The following SLC8A1 variants were observed in gnomAD, a reference collection of about 807,000 sequenced individuals.
SLC8A1 encodes the protein solute carrier family 8 member A1.
Under a neutral mutation model 68.3 loss-of-function variants are expected in SLC8A1, and 18 were observed. That is an observed-to-expected ratio of 0.26 (90% CI 0.18 to 0.39). The LOEUF is 0.39. Among genes scored for constraint, SLC8A1 ranks in the 10% least tolerant of loss-of-function variants. The probability of loss-of-function intolerance (pLI) is 1.00; values close to 1 mark genes in which losing one functional copy is unlikely to be tolerated. For missense variants in SLC8A1, 985 were observed against 1,156.7 expected (o/e 0.85, Z 2.15); for synonymous variants, 475 against 415.5 (o/e 1.14, Z -1.74).
At chr2:40,427,785 C>T (rs367903320) in intron 2 of SLC8A1, among the ~76,000 whole-genome samples, 36 of 152,278 alleles carry the variant, frequency 2.4e-4, no homozygotes, top group East Asian at 1.7e-3. Context: ...CTCTCCATCA[C>T]TGTATCAGTG....
At chr2:40,232,316 G>C (rs2059755712) in intron 2 of SLC8A1, among the ~76,000 whole-genome samples, 2 of 152,002 alleles carry the variant, frequency 1.3e-5, no homozygotes, top group African/African-American at 4.8e-5. Flanking sequence ...TCATCTTTTG[G>C]TTGGCACATA....
chr2:40,461,561 A>C (rs33992047), intron 1 of SLC8A1, among the ~76,000 whole-genome samples: 75,664 of 151,982 alleles, frequency 0.5, 19,601 homozygotes, highest in Middle Eastern at 0.57. Context: ...CAGACATTTA[A>C]ATTTACTGTG....
intron 2 of SLC8A1, among the ~76,000 whole-genome samples, chr2:40,328,602 T>C (rs1371932379): frequency 6.6e-6 from 1 of 152,214 alleles, no homozygotes; most frequent in Non-Finnish European, 1.5e-5. Flanking sequence ...CATTTTCCAC[T>C]GCCTCTTACA....
chr2:40,228,332 T>A (rs767831221), intron 2 of SLC8A1, among the ~76,000 whole-genome samples: 1 of 152,234 alleles, frequency 6.6e-6, no homozygotes, highest in African/African-American at 2.4e-5. Flanking sequence ...AGAATTCTTA[T>A]ACTTAAAGCA....
chr2:40,125,394 G>T (rs2037865881), intron 7 of SLC8A1, among the ~76,000 whole-genome samples: 1 of 152,134 alleles, frequency 6.6e-6, no homozygotes, highest in Non-Finnish European at 1.5e-5. Context: ...TATGGAACAA[G>T]AATCGTAAAA....
intron 3 of SLC8A1, 98 bp from the exon 5 acceptor site, chr2:40,174,940 T>G (rs932592588): frequency 9.1e-7 from 1 of 1,098,596 alleles, no homozygotes; most frequent in African/African-American, 1.6e-5. Context: ...CCAAGGTACT[T>G]GCCAAATTAT....
chr2:40,177,751 C>T lies in SLC8A1; in HGVS notation c.1912+1G>A. Reference sequence around the variant, plus strand: ...TGGTATGTCTTTGTTTACTCTCACACCTTTCATTCCTCTTCTTATCCATTT... The same window carrying T: ...TGGTATGTCTTTGTTTACTCTCACATCTTTCATTCCTCTTCTTATCCATTT... On this transcript the variant is annotated splice_donor_variant, in intron 3 of 7. Coordinates refer to ENST00000406785, the Ensembl canonical transcript of SLC8A1. LOFTEE classifies it high-confidence loss of function. The T allele has an allele frequency of 6.5e-7, 1 of 1,533,898 alleles. No individual in the cohort carries two copies. Among genetic ancestry groups the T allele is most frequent in the Non-Finnish European group, 8.8e-7 (1 of 1,130,798 alleles).
At chr2:40,354,306 G>A (rs1672030206) in intron 2 of SLC8A1, among the ~76,000 whole-genome samples, 1 of 152,078 alleles carries the variant, frequency 6.6e-6, no homozygotes, top group East Asian at 1.9e-4. Context: ...TATGTTTAAG[G>A]GCCATCTGTA....
intron 2 of SLC8A1, among the ~76,000 whole-genome samples, chr2:40,213,772 A>G (rs1379567510): frequency 6.6e-6 from 1 of 152,196 alleles, no homozygotes; most frequent in Non-Finnish European, 1.5e-5. Context: ...AGCTGCATCA[A>G]TTCTCTCACA....
intron 3 of SLC8A1, chr2:40,176,044 G>A (rs368594941): frequency 1.3e-4 from 54 of 426,284 alleles, no homozygotes; most frequent in Admixed American, 1.1e-3. Context: ...GGAGGGGGAC[G>A]TATAATTTGT....
intron 1 of SLC8A1, among the ~76,000 whole-genome samples, chr2:40,436,226 A>T (rs1046686694): frequency 3.3e-5 from 5 of 152,118 alleles, no homozygotes; most frequent in Admixed American, 3.3e-4. Context: ...TGGCACTTAG[A>T]AGATGCACAA....
chr2:40,423,720 C>T (rs1696123183), intron 2 of SLC8A1, among the ~76,000 whole-genome samples: 1 of 151,994 alleles, frequency 6.6e-6, no homozygotes, highest in African/African-American at 2.4e-5. Context: ...CTGGTTGACA[C>T]CATAAACAAC....
intron 2 of SLC8A1, among the ~76,000 whole-genome samples, chr2:40,207,643 AT>A (rs2055722303): frequency 6.6e-6 from 1 of 152,272 alleles, no homozygotes; most frequent in East Asian, 1.9e-4. Context: ...ATATAAAATG[AT>A]TGCTTAAAAA....
chr2:40,312,685 T>C (rs150443780), intron 2 of SLC8A1, among the ~76,000 whole-genome samples: 19 of 152,230 alleles, frequency 1.2e-4, no homozygotes, highest in Middle Eastern at 3.4e-3. Flanking sequence ...CAAGATAAGA[T>C]TGCATACCAA....
intron 2 of SLC8A1, among the ~76,000 whole-genome samples, chr2:40,190,045 C>T (rs562574842): frequency 6.6e-6 from 1 of 152,168 alleles, no homozygotes; most frequent in Admixed American, 6.6e-5. Flanking sequence ...TTTCAGGATT[C>T]ATCTGCCAAT....
intron 2 of SLC8A1, among the ~76,000 whole-genome samples, chr2:40,252,781 CAT>C (rs559950276): frequency 4.6e-5 from 7 of 151,128 alleles, no homozygotes; most frequent in Admixed American, 1.3e-4. Flanking sequence ...AATGTTAGCA[CAT>C]ATATATATGT....
chr2:40,284,678 A>G (rs1049703263), intron 2 of SLC8A1, among the ~76,000 whole-genome samples: 2 of 150,346 alleles, frequency 1.3e-5, no homozygotes, highest in Non-Finnish European at 3.0e-5. Flanking sequence ...ATATACACAC[A>G]CACAATTTCT....
intron 2 of SLC8A1, among the ~76,000 whole-genome samples, chr2:40,371,521 T>G (rs1017418636): frequency 2.6e-5 from 4 of 152,082 alleles, no homozygotes; most frequent in African/African-American, 4.8e-5. Context: ...ACAGAAGATG[T>G]TAGTGTCTTC....
At chr2:40,488,614 T>C (rs34981686) in intron 1 of SLC8A1, among the ~76,000 whole-genome samples, 3,373 of 151,926 alleles carry the variant, frequency 0.022, 70 homozygotes, top group Non-Finnish European at 0.033. Flanking sequence ...GACCAAAGAG[T>C]TGGGGGGAGA....
Sources: gnomAD v4.1 joint callset for allele counts (sites outside exome capture counted in the v4.1 genomes callset) on GRCh38, gnomAD v4.1.1 for gene constraint, MANE v1.5 for transcripts, NCBI Gene and HGNC (gene_info 2026-07-23, HGNC 2026-07-21) for gene names.